ULK4: variants seen among roughly 807,000 people sequenced by gnomAD.
ULK4 encodes the protein inactive serine/threonine-protein kinase ULK4.
ULK4 carries 133 observed loss-of-function variants against 160.6 expected under a neutral mutation model. That is an observed-to-expected ratio of 0.83 (90% confidence interval 0.72 to 0.96). ULK4 has a LOEUF of 0.96. Ranked by LOEUF, ULK4 falls within the 40% of genes least tolerant of loss-of-function variation. ULK4 has a pLI of 0.00. For synonymous variants in ULK4, 534 were observed against 539.8 expected (o/e 0.99, Z 0.15); for missense variants, 1,580 against 1,499.5 (o/e 1.05, Z -0.89).
chr3:41,939,798 G>T (rs968299565), intron 2 of ULK4, among the ~76,000 whole-genome samples: 1 of 152,042 alleles, frequency 6.6e-6, no homozygotes, highest in Non-Finnish European at 1.5e-5. Flanking sequence ...GCTTGAGCTC[G>T]CCTCCTGTCA....
At chr3:41,309,016 ACT>A (rs1285428293) in intron 35 of ULK4, among the ~76,000 whole-genome samples, 6 of 152,210 alleles carry the variant, frequency 3.9e-5, no homozygotes, top group South Asian at 4.1e-4. Context: ...TTTCTAGAAG[ACT>A]CTCAGCTTTA....
intron 17 of ULK4, among the ~76,000 whole-genome samples, chr3:41,877,889 G>A (rs1697367210): frequency 2.0e-5 from 3 of 151,892 alleles, no homozygotes; most frequent in Admixed American, 6.6e-5. Context: ...GCTAAGGCAG[G>A]AGAATCGCTT....
intron 21 of ULK4, among the ~76,000 whole-genome samples, chr3:41,780,598 G>A (rs939432687): frequency 6.6e-6 from 1 of 152,048 alleles, no homozygotes; most frequent in Non-Finnish European, 1.5e-5. Flanking sequence ...CACAGCTCAG[G>A]TGCATTAAGA....
Position 41,478,045 on chromosome 3 carries a change from C to T in ULK4, c.3227-14792G>A, listed in dbSNP as rs1274766099. Among the ~76,000 whole-genome samples the T allele has an allele frequency of 2.0e-5, 3 of 152,232 alleles. No homozygotes were observed. In the East Asian group the frequency reaches 5.8e-4, roughly 29 times the overall value. Reference sequence around the variant, plus strand: ...AAACCCAGCTCTACTCCTCCTCCTGCATTTGTACTCCCAACTCTGCAGTCC... The same window carrying T: ...AAACCCAGCTCTACTCCTCCTCCTGTATTTGTACTCCCAACTCTGCAGTCC... On this transcript the variant is annotated intron_variant, in intron 32 of 36. Coordinates refer to ENST00000301831, the MANE Select transcript of ULK4 (RefSeq NM_017886.4).
intron 18 of ULK4, among the ~76,000 whole-genome samples, chr3:41,830,286 T>C (rs1245627772): frequency 6.6e-6 from 1 of 152,016 alleles, no homozygotes; most frequent in Admixed American, 6.6e-5. Flanking sequence ...CCCTAAAACT[T>C]AAAGTATAAT....
chr3:41,895,618 AC>A, intron 15 of ULK4, 54 bp from the exon 16 acceptor site: 1 of 1,173,458 alleles, frequency 8.5e-7, no homozygotes, highest in Non-Finnish European at 1.2e-6. Context: ...TGTTTAAGTC[AC>A]AAAACACAGA....
intron 31 of ULK4, among the ~76,000 whole-genome samples, chr3:41,572,833 G>A (rs938971278): frequency 5.3e-5 from 8 of 150,058 alleles, no homozygotes; most frequent in African/African-American, 7.3e-5. Flanking sequence ...TACAGGAAAC[G>A]AAAGAATGAG....
At position 41,377,776 on chromosome 3, in the gene ULK4, G is replaced by T. The variant is rs1173793317; in HGVS notation, c.3678+20303C>A. 4.7e-5 allele frequency among the ~76,000 whole-genome samples: 7 copies of T among 147,998 alleles called. 1 individual carries two copies. The South Asian group carries it at 6.6e-4, about 14-fold the overall frequency. On this transcript the variant is annotated intron_variant, in intron 35 of 36. Transcript: ENST00000301831. The stretch of plus-strand genomic sequence containing the variant: ...TAGGAACACTTTTACACTGTTGGTG[G>T]GACTGTAAACTAGTTCAACCATTGT...
In ULK4 at chr3:41,281,799, A is replaced by G. The variant is rs559674010; in HGVS notation, c.3679-32225T>C. On this transcript the variant is annotated intron_variant, in intron 35 of 36. Transcript: ENST00000301831. Reference sequence around the variant, plus strand: ...CAACATAGTGTTGGAAGTTCTGGCCAGGGAAATCAGGCAAGAGAAAGAAAT... The same window carrying G: ...CAACATAGTGTTGGAAGTTCTGGCCGGGGAAATCAGGCAAGAGAAAGAAAT... Among the ~76,000 whole-genome samples, 4 of 152,382 alleles carry G rather than the reference A, an allele frequency of 2.6e-5. No homozygotes were observed. In the South Asian group the frequency reaches 8.3e-4, roughly 32 times the overall value.
At position 41,907,858 on chromosome 3, in the gene ULK4, G is replaced by T; in HGVS notation, c.1169C>A (p.Ser390Tyr). The change falls in exon 12 of 37, where the codon TCT becomes TAT. Residue 390 changes from serine to tyrosine, a missense_variant. Transcript: ENST00000301831. ...AAGTCTGCTCACCTTGGTCAGAGGAGAAGTCTTCTGTGGTGAACAGTGAGT... is the reference window on the plus strand; with the variant it reads ...AAGTCTGCTCACCTTGGTCAGAGGATAAGTCTTCTGTGGTGAACAGTGAGT... ...DMTHCSPQKT[S>Y]PLTKITSGHL... 1 of 1,589,266 alleles carries T rather than the reference G, an allele frequency of 6.3e-7. No homozygotes were observed. The highest frequency in any genetic ancestry group is 1.2e-5 in the South Asian group (1 of 86,446).
chr3:41,920,476 T>C (rs537051278), intron 5 of ULK4, among the ~76,000 whole-genome samples: 1 of 152,136 alleles, frequency 6.6e-6, no homozygotes, highest in Non-Finnish European at 1.5e-5. Flanking sequence ...AGAAATCCCA[T>C]ATTTTAGAGC....
chr3:41,774,347 A>G (rs959288538), intron 21 of ULK4, among the ~76,000 whole-genome samples: 4 of 150,686 alleles, frequency 2.7e-5, no homozygotes, highest in Non-Finnish European at 5.9e-5. Context: ...AATATCCAGA[A>G]TCTACAATGA....
intron 32 of ULK4, among the ~76,000 whole-genome samples, chr3:41,503,121 CAG>C (rs2085266545): frequency 6.6e-6 from 1 of 152,122 alleles, no homozygotes; most frequent in South Asian, 2.1e-4. Context: ...ACAAGGAGGT[CAG>C]AGAACATATA....
chr3:41,498,576 CT>C (rs56321420), intron 32 of ULK4, among the ~76,000 whole-genome samples: 16 of 144,222 alleles, frequency 1.1e-4, no homozygotes, highest in East Asian at 4.1e-4. Flanking sequence ...TCTTTTTTTT[CT>C]TTTTTTTTTT....
chr3:41,574,403 G>T (rs976579843), intron 31 of ULK4, among the ~76,000 whole-genome samples: 1 of 151,908 alleles, frequency 6.6e-6, no homozygotes, highest in Non-Finnish European at 1.5e-5. Context: ...AGCCCCTCTT[G>T]CATCTATCCT....
intron 30 of ULK4, among the ~76,000 whole-genome samples, chr3:41,640,452 T>C (rs539600969): frequency 3.3e-5 from 5 of 152,232 alleles, no homozygotes; most frequent in East Asian, 1.9e-4. Context: ...ATCTCCAAAA[T>C]GTAGAATGGT....
At chr3:41,281,858 A>T (rs2079361139) in intron 35 of ULK4, among the ~76,000 whole-genome samples, 1 of 152,274 alleles carries the variant, frequency 6.6e-6, no homozygotes, top group South Asian at 2.1e-4. Context: ...AGGAAGTCAA[A>T]TTGTTCCTGT....
At chr3:41,307,558 T>A (rs1026770743) in intron 35 of ULK4, among the ~76,000 whole-genome samples, 2 of 152,178 alleles carry the variant, frequency 1.3e-5, no homozygotes, top group Non-Finnish European at 2.9e-5. Flanking sequence ...CTGGGTGTAA[T>A]CGCTCACACC....
chr3:41,510,722 C>A (rs1027838786), intron 32 of ULK4, among the ~76,000 whole-genome samples: 1 of 152,114 alleles, frequency 6.6e-6, no homozygotes, highest in African/African-American at 2.4e-5. Flanking sequence ...ATAATCTGCT[C>A]CTGAATGATC....
Sources: gnomAD v4.1 joint callset for allele counts (sites outside exome capture counted in the v4.1 genomes callset) on GRCh38, gnomAD v4.1.1 for gene constraint, MANE v1.5 for transcripts, NCBI Gene and HGNC (gene_info 2026-07-23, HGNC 2026-07-21) for gene names.